TMEM260: variants seen among roughly 807,000 people sequenced by gnomAD.
TMEM260 encodes the protein protein O-mannosyl-transferase TMEM260.
Under a neutral mutation model 88.9 loss-of-function variants are expected in TMEM260, and 82 were observed. The observed-to-expected ratio is 0.92, with a 90% CI of 0.77 to 1.11. The LOEUF (loss-of-function observed/expected upper bound fraction) is 1.11, where lower values mean the gene tolerates loss of function less well. TMEM260 is among the 50% of genes least tolerant of loss of function. The pLI is 0.00. For synonymous variants in TMEM260, 314 were observed against 309.3 expected (o/e 1.02, Z -0.16); for missense variants, 902 against 853.4 (o/e 1.06, Z -0.71).
intron 15 of TMEM260, among the ~76,000 whole-genome samples, chr14:56,643,538 C>T (rs1889753725): frequency 6.6e-6 from 1 of 152,138 alleles, no homozygotes; most frequent in East Asian, 1.9e-4. Flanking sequence ...CTATGACAAA[C>T]CCACAGCCAA....
intron 12 of TMEM260, among the ~76,000 whole-genome samples, chr14:56,628,319 AC>A (rs1190669277): frequency 6.6e-6 from 1 of 152,158 alleles, no homozygotes; most frequent in Admixed American, 6.5e-5. Flanking sequence ...TAGGTACGCA[AC>A]CTCTGTCAAA....
intron 11 of TMEM260, 87 bp downstream of exon 11, chr14:56,621,789 G>A (rs576093655): frequency 3.6e-5 from 42 of 1,158,926 alleles, no homozygotes; most frequent in East Asian, 3.3e-4. Flanking sequence ...AATGGTGGAC[G>A]GGTACAGTTT....
intron 3 of TMEM260, among the ~76,000 whole-genome samples, chr14:56,599,913 C>G (rs932821968): frequency 6.6e-6 from 1 of 152,088 alleles, no homozygotes; most frequent in Non-Finnish European, 1.5e-5. Flanking sequence ...TTGCAAAAAT[C>G]CAAAGTCATT....
At chr14:56,580,163 C>T (rs546012270) in intron 1 of TMEM260, 89 bp downstream of exon 1, 1 of 1,138,180 alleles carries the variant, frequency 8.8e-7, no homozygotes, top group Non-Finnish European at 1.1e-6. Flanking sequence ...TCTTGGCATT[C>T]GGTCTGGTCA....
At chr14:56,616,171 G>A (rs1887583227) in intron 8 of TMEM260, 144 bp downstream of exon 8, 1 of 588,246 alleles carries the variant, frequency 1.7e-6, no homozygotes, top group Admixed American at 3.0e-5. Context: ...AGATAAACGT[G>A]TATTGCTTTC....
chr14:56,604,183 G>A (rs1322898951), intron 4 of TMEM260, among the ~76,000 whole-genome samples, 191 bp downstream of exon 4: 1 of 151,936 alleles, frequency 6.6e-6, no homozygotes, highest in Non-Finnish European at 1.5e-5. Flanking sequence ...ATAAAACATG[G>A]CGCTTTTCTT....
chr14:56,631,769 C>A (rs1049190952), intron 12 of TMEM260, among the ~76,000 whole-genome samples: 1 of 152,178 alleles, frequency 6.6e-6, no homozygotes, highest in Non-Finnish European at 1.5e-5. Flanking sequence ...ATGCTTGAGC[C>A]CACTCATTCA....
At chr14:56,589,517 AACTC>A (rs1208163561) in intron 3 of TMEM260, among the ~76,000 whole-genome samples, 7 of 152,182 alleles carry the variant, frequency 4.6e-5, no homozygotes, top group Admixed American at 3.3e-4. Flanking sequence ...AGTTTCAGGA[AACTC>A]ACATAAAAAT....
At chr14:56,611,706 A>G (rs1302408696) in intron 6 of TMEM260, among the ~76,000 whole-genome samples, 1 of 152,236 alleles carries the variant, frequency 6.6e-6, no homozygotes, top group Non-Finnish European at 1.5e-5. Flanking sequence ...CCAAAGGGAT[A>G]TAAATTGTTC....
At chr14:56,662,741 G>A in the TMEM260 span, among the ~76,000 whole-genome samples, 4 of 152,214 alleles carry the variant, frequency 2.6e-5, no homozygotes, top group Non-Finnish European at 5.9e-5. Context: ...CTGAATGGCC[G>A]AACTACGCTC....
At chr14:56,612,919 T>C (rs1028625561) in intron 7 of TMEM260, 2 of 152,182 alleles carry the variant, frequency 1.3e-5, no homozygotes, top group African/African-American at 4.8e-5. Flanking sequence ...TTTCTTGTTA[T>C]TTTGGATTTT....
the TMEM260 span, among the ~76,000 whole-genome samples, chr14:56,662,878 A>T: frequency 6.6e-6 from 1 of 152,244 alleles, no homozygotes; most frequent in African/African-American, 2.4e-5. Context: ...CTGTAATCCC[A>T]GCACTTTGGG....
chr14:56,609,655 T>G (rs1887129282), intron 6 of TMEM260, among the ~76,000 whole-genome samples: 2 of 152,182 alleles, frequency 1.3e-5, no homozygotes, highest in Non-Finnish European at 2.9e-5. Context: ...TTTAAAAAAT[T>G]TTCCTTGACC....
At chr14:56,630,021 A>G (rs147573774) in intron 12 of TMEM260, among the ~76,000 whole-genome samples, 1,689 of 151,948 alleles carry the variant, frequency 0.011, 19 homozygotes, top group Middle Eastern at 0.034. Flanking sequence ...AGCCTAGGCA[A>G]CAGAGCAAAA....
Position 56,647,506 on chromosome 14 carries a change from A to G in TMEM260, c.*9A>G, listed in dbSNP as rs1267719261. 1 of 1,576,332 alleles carries G rather than the reference A, an allele frequency of 6.3e-7. No homozygotes were observed. Among genetic ancestry groups the G allele is most frequent in the South Asian group, 1.2e-5 (1 of 85,282 alleles). On this transcript the variant is annotated 3_prime_UTR_variant, in exon 16 of 16. Coordinates refer to ENST00000261556, the MANE Select transcript of TMEM260 (RefSeq NM_017799.4). ...ATAGGAAAAATGTCTGAGACAGCAAAATATGAAAAACCTGCTCATCGTTCA... is the reference window on the plus strand; with the variant it reads ...ATAGGAAAAATGTCTGAGACAGCAAGATATGAAAAACCTGCTCATCGTTCA...
At chr14:56,595,836 A>G (rs1178135755) in intron 3 of TMEM260, among the ~76,000 whole-genome samples, 1 of 152,200 alleles carries the variant, frequency 6.6e-6, no homozygotes, top group East Asian at 1.9e-4. Context: ...CAAGGAATAA[A>G]GTAATATGAA....
intron 3 of TMEM260, among the ~76,000 whole-genome samples, chr14:56,587,373 A>G (rs1885571996): frequency 6.6e-6 from 1 of 151,926 alleles, no homozygotes; most frequent in Admixed American, 6.6e-5. Context: ...AACATTATTA[A>G]TTGTTGATAC....
At chr14:56,642,677 A>G (rs1365685520) in intron 15 of TMEM260, among the ~76,000 whole-genome samples, 4 of 152,334 alleles carry the variant, frequency 2.6e-5, no homozygotes, top group East Asian at 1.9e-4. Context: ...ACTGAAGGAA[A>G]TAGAGACACA....
intron 3 of TMEM260, among the ~76,000 whole-genome samples, chr14:56,598,026 G>GT (rs1886353206): frequency 6.6e-6 from 1 of 152,142 alleles, no homozygotes; most frequent in Non-Finnish European, 1.5e-5. Context: ...ACCATAGTTG[G>GT]TTGGAGATAT....
Sources: allele counts gnomAD v4.1 joint callset (sites outside exome capture counted in the v4.1 genomes callset), GRCh38; gene constraint gnomAD v4.1.1; transcripts MANE v1.5; gene names NCBI Gene and HGNC (gene_info 2026-07-23, HGNC 2026-07-21).